Variants in LRRIQ3 observed in about 807,000 individuals in gnomAD.
LRRIQ3 encodes leucine-rich repeat and IQ domain-containing protein 3.
LRRIQ3 carries 75 observed loss-of-function variants against 59.3 expected under a neutral mutation model. The observed-to-expected ratio is 1.26, with a 90% confidence interval of 1.05 to 1.53. The LOEUF (loss-of-function observed/expected upper bound fraction) is 1.53, where lower values mean the gene tolerates loss of function less well. Ranked by LOEUF, LRRIQ3 falls within the 40% of genes most tolerant of loss-of-function variation. LRRIQ3 has a pLI of 0.00. For synonymous variants in LRRIQ3, 250 were observed against 231.3 expected, an observed-to-expected ratio of 1.08 and a Z score of -0.73; for missense variants, 831 against 710.0, an observed-to-expected ratio of 1.17 and a Z score of -1.94.
In LRRIQ3 at chr1:74,031,313, G is replaced by A. The variant is rs373080919; in HGVS notation, c.1719-4344C>T. 1.9e-4 allele frequency among the ~76,000 whole-genome samples: 29 copies of A among 152,198 alleles called. No homozygotes were observed. In the East Asian group the frequency reaches 4.8e-3, roughly 25 times the overall value. ...TGCTGCTATAAAGACACATGCACAC[G>A]TTTGTTTATTGCAGCACTATTCACA... On this transcript the variant is annotated intron_variant, in intron 7 of 7. Coordinates refer to ENST00000354431, the MANE Select transcript of LRRIQ3 (RefSeq NM_001105659.2).
At chr1:74,173,248 G>A (rs1326345764) in intron 3 of LRRIQ3, among the ~76,000 whole-genome samples, 1 of 137,054 alleles carries the variant, frequency 7.3e-6, no homozygotes, top group Non-Finnish European at 1.5e-5. Context: ...AGTGAGCCGA[G>A]ATCACGCCAC....
chr1:74,101,278 CATTT>C (rs1342173620), intron 5 of LRRIQ3, among the ~76,000 whole-genome samples: 1 of 152,112 alleles, frequency 6.6e-6, no homozygotes, highest in Admixed American at 6.6e-5. Context: ...CGAAAGAAGA[CATTT>C]ATGCAGCCAA....
At chr1:74,126,021 G>A (rs12036659) in intron 4 of LRRIQ3, among the ~76,000 whole-genome samples, 45,804 of 151,490 alleles carry the variant, frequency 0.3, 7,692 homozygotes, top group Middle Eastern at 0.45. Context: ...TTACAGCTTC[G>A]ATCTTATTAC....
intron 5 of LRRIQ3, among the ~76,000 whole-genome samples, chr1:74,087,464 T>G (rs189826736): frequency 1.1e-3 from 149 of 141,460 alleles, no homozygotes; most frequent in Admixed American, 7.4e-3. Flanking sequence ...TTTAATTATA[T>G]AAACGTATTG....
At chr1:74,140,613 A>G (rs531375321) in intron 4 of LRRIQ3, among the ~76,000 whole-genome samples, 3 of 151,958 alleles carry the variant, frequency 2.0e-5, no homozygotes, top group African/African-American at 7.2e-5. Flanking sequence ...TATAGAGGAC[A>G]CTTTTTTTAA....
At chr1:74,083,044 T>A (rs941576501) in intron 5 of LRRIQ3, 1 of 151,702 alleles carries the variant, frequency 6.6e-6, no homozygotes, top group Non-Finnish European at 1.5e-5. Context: ...CACATGTATC[T>A]CTAAAACTTC....
At chr1:74,030,429 T>C (rs376593220) in intron 7 of LRRIQ3, among the ~76,000 whole-genome samples, 9 of 151,386 alleles carry the variant, frequency 5.9e-5, no homozygotes, top group African/African-American at 1.5e-4. Context: ...ACCAATGGAA[T>C]AGAACAGAGC....
At chr1:74,106,535 T>C (rs1646615851) in intron 5 of LRRIQ3, among the ~76,000 whole-genome samples, 1 of 151,972 alleles carries the variant, frequency 6.6e-6, no homozygotes, top group Non-Finnish European at 1.5e-5. Flanking sequence ...AAGAAGACTA[T>C]TTATGCCAAC....
intron 7 of LRRIQ3, among the ~76,000 whole-genome samples, chr1:74,030,060 C>G (rs992919245): frequency 1.3e-5 from 2 of 151,992 alleles, no homozygotes; most frequent in African/African-American, 4.8e-5. Flanking sequence ...ATCCAACTTA[C>G]CAGGGATGTG....
At chr1:74,045,855 C>T (rs189240831) in intron 6 of LRRIQ3, among the ~76,000 whole-genome samples, 14 of 152,202 alleles carry the variant, frequency 9.2e-5, no homozygotes, top group Admixed American at 5.9e-4. Flanking sequence ...CTCCCATTTA[C>T]AACCACTGCA....
chr1:74,058,814 C>A lies in LRRIQ3; in HGVS notation c.997+15847G>T, dbSNP rs190625888. 2.4e-3 allele frequency among the ~76,000 whole-genome samples: 360 copies of A among 152,116 alleles called. 1 individual carries two copies. Among genetic ancestry groups the A allele is most frequent in the Non-Finnish European group, 3.1e-3 (213 of 67,940 alleles). On this transcript the variant is annotated intron_variant, in intron 6 of 7. Transcript: ENST00000354431. ...TGTGCAATGTATATCTGTGTTGAAA[C>A]ATCATACTGTACCCCATAAATATGT...
intron 6 of LRRIQ3, among the ~76,000 whole-genome samples, chr1:74,052,839 G>T (rs1437877741): frequency 1.3e-5 from 2 of 151,998 alleles, no homozygotes; most frequent in African/African-American, 4.8e-5. Flanking sequence ...ATTCTAGATT[G>T]TAGGAATCTT....
Position 74,092,055 on chromosome 1 carries a change from C to A in LRRIQ3, c.868-17265G>T, listed in dbSNP as rs201337748. Among the ~76,000 whole-genome samples the A allele has an allele frequency of 5.5e-3, 830 of 152,138 alleles. 6 individuals are homozygous for A. The highest frequency in any genetic ancestry group is 9.8e-3 in the Non-Finnish European group (668 of 67,964). On this transcript the variant is annotated intron_variant, in intron 5 of 7. Transcript: ENST00000354431. ...ATATTGTGTGGCATCATTTAGAAAC[C>A]TTACTTAAAACACATCTGCAAGTTC...
chr1:74,147,886 G>A lies in LRRIQ3; in HGVS notation c.707+7847C>T, dbSNP rs139695874. ...CATTAAATAGGTTTTCTTCATCTTT[G>A]TCCATCTCTTCTCCTTCTGGGTCTT... On this transcript the variant is annotated intron_variant, in intron 4 of 7. Coordinates refer to ENST00000354431, the MANE Select transcript of LRRIQ3 (RefSeq NM_001105659.2). Among the ~76,000 whole-genome samples, 346 of 152,036 alleles carry A rather than the reference G, an allele frequency of 2.3e-3. 4 individuals are homozygous for A. The highest frequency in any genetic ancestry group is 7.6e-3 in the African/African-American group (313 of 41,446).
At chr1:74,106,084 C>G (rs1430776047) in intron 5 of LRRIQ3, among the ~76,000 whole-genome samples, 1 of 151,892 alleles carries the variant, frequency 6.6e-6, no homozygotes, top group Non-Finnish European at 1.5e-5. Context: ...GGCACCCTCT[C>G]CAGAAGATTA....
chr1:74,144,829 C>T (rs938879083), intron 4 of LRRIQ3, among the ~76,000 whole-genome samples: 3 of 151,452 alleles, frequency 2.0e-5, no homozygotes, highest in Non-Finnish European at 4.4e-5. Context: ...CTAATTCATA[C>T]ATGTATGTGT....
intron 6 of LRRIQ3, among the ~76,000 whole-genome samples, chr1:74,056,227 C>G (rs182953966): frequency 6.6e-6 from 1 of 151,698 alleles, no homozygotes; most frequent in African/African-American, 2.4e-5. Context: ...TACTTCAACA[C>G]AGTAAAGACC....
intron 4 of LRRIQ3, among the ~76,000 whole-genome samples, chr1:74,132,783 C>A (rs1647047631): frequency 6.6e-6 from 1 of 152,078 alleles, no homozygotes; most frequent in Non-Finnish European, 1.5e-5. Flanking sequence ...CTAGGCAATA[C>A]CATTCAGGAC....
chr1:74,156,232 G>C (rs1188017088), intron 3 of LRRIQ3, among the ~76,000 whole-genome samples: 2 of 151,968 alleles, frequency 1.3e-5, no homozygotes, highest in African/African-American at 2.4e-5. Context: ...CATGTGACTT[G>C]CCTGCCTCCC....
Sources: allele counts gnomAD v4.1 joint callset (sites outside exome capture counted in the v4.1 genomes callset), GRCh38; gene constraint gnomAD v4.1.1; transcripts MANE v1.5; gene names NCBI Gene and HGNC (gene_info 2026-07-23, HGNC 2026-07-21).